STK32C: variants seen among roughly 807,000 people sequenced by gnomAD.
STK32C encodes the protein serine/threonine-protein kinase 32C.
Under a neutral mutation model 56.5 loss-of-function variants are expected in STK32C, and 31 were observed. The ratio of observed to expected loss-of-function variants is 0.55; its 90% CI spans 0.41 to 0.74. The LOEUF is 0.74. Among genes scored for constraint, STK32C ranks in the 30% least tolerant of loss-of-function variants. STK32C has a pLI of 0.00. For synonymous variants in STK32C, 309 were observed against 289.4 expected (o/e 1.07, Z -0.69); for missense variants, 544 against 676.9 (o/e 0.80, Z 2.18).
intron 8 of STK32C, among the ~76,000 whole-genome samples, chr10:132,223,398 C>G (rs1160533994): frequency 6.6e-6 from 1 of 152,182 alleles, no homozygotes; most frequent in Non-Finnish European, 1.5e-5. Flanking sequence ...GCCAGATGAG[C>G]CCGGGGCAGC....
intron 1 of STK32C, among the ~76,000 whole-genome samples, chr10:132,258,423 C>A (rs72856753): frequency 9.8e-5 from 15 of 152,394 alleles, no homozygotes; most frequent in South Asian, 4.1e-4. Context: ...CCCATCACCC[C>A]CCACGGGGCC....
intron 1 of STK32C, among the ~76,000 whole-genome samples, chr10:132,257,702 G>T (rs1480364496): frequency 6.7e-6 from 1 of 149,270 alleles, no homozygotes; most frequent in Non-Finnish European, 1.5e-5. Context: ...GGCAATCCCA[G>T]GCCTGACACC....
In STK32C at chr10:132,207,856, C is replaced by G; in HGVS notation, c.*154G>C. ...CACAGCCTCTTGTCCCCTGCACCAC[C>G]ACGAGCCTGAGGTGTGAAATGTGTC... On this transcript the variant is annotated 3_prime_UTR_variant, in exon 12 of 12. Transcript: ENST00000298630. 3.2e-6 allele frequency: 3 copies of G among 938,206 alleles called. No homozygotes were observed. Among genetic ancestry groups the G allele is most frequent in the Non-Finnish European group, 4.2e-6 (3 of 719,306 alleles). 58.1% of individuals were successfully genotyped at this position (938,206 alleles called of 1,614,324 possible).
chr10:132,316,140 C>T (rs1349095080), intron 1 of STK32C, among the ~76,000 whole-genome samples: 1 of 152,096 alleles, frequency 6.6e-6, no homozygotes, highest in Admixed American at 6.6e-5. Context: ...TATTCTGAAA[C>T]ATCTTGTTGC....
In STK32C at chr10:132,248,390, G is replaced by A. The variant is rs1028800618; in HGVS notation, c.263-2435C>T. Reference sequence around the variant, plus strand: ...GGGGCCTGCCCTGCAGTGGGGAGGGGACAGGGTGTCAGGGCGAGGCCCAGG... The same window carrying A: ...GGGGCCTGCCCTGCAGTGGGGAGGGAACAGGGTGTCAGGGCGAGGCCCAGG... On this transcript the variant is annotated intron_variant, in intron 1 of 11. Coordinates refer to ENST00000298630, the MANE Select transcript of STK32C (RefSeq NM_173575.4). 3.3e-5 allele frequency among the ~76,000 whole-genome samples: 5 copies of A among 152,230 alleles called. No individual in the cohort carries two copies. In the East Asian group the frequency reaches 9.6e-4, roughly 29 times the overall value.
chr10:132,209,217 G>C, intron 10 of STK32C, 116 bp from the exon 11 acceptor site: 1 of 940,746 alleles, frequency 1.1e-6, no homozygotes, highest in East Asian at 2.5e-5. Context: ...TTTGGATGAC[G>C]GCCTCTGGGC....
At chr10:132,227,718 T>C (rs1444675453) in intron 3 of STK32C, among the ~76,000 whole-genome samples, 1 of 152,146 alleles carries the variant, frequency 6.6e-6, no homozygotes, top group Non-Finnish European at 1.5e-5. Context: ...ATCTCCATTG[T>C]AGGGAAGCCC....
intron 1 of STK32C, among the ~76,000 whole-genome samples, chr10:132,272,351 G>A (rs1185661084): frequency 2.0e-5 from 3 of 152,220 alleles, no homozygotes; most frequent in Admixed American, 6.5e-5. Context: ...TCCAGCCTCC[G>A]GATCTGTGAG....
At chr10:132,234,764 C>T (rs2063217445) in intron 2 of STK32C, among the ~76,000 whole-genome samples, 3 of 152,146 alleles carry the variant, frequency 2.0e-5, no homozygotes, top group Non-Finnish European at 2.9e-5. Context: ...GCTGGGGGGG[C>T]CTTGGGGGTT....
intron 1 of STK32C, among the ~76,000 whole-genome samples, chr10:132,300,221 T>G (rs2065871984): frequency 6.6e-6 from 1 of 152,206 alleles, no homozygotes; most frequent in Admixed American, 6.5e-5. Flanking sequence ...CTGTGAGAAA[T>G]GGAATGTGCT....
At position 132,224,539 on chromosome 10, in the gene STK32C, C is replaced by A. The variant is rs1049664767; in HGVS notation, c.877-16G>T. The A allele has an allele frequency of 1.3e-5, 21 of 1,572,934 alleles. No homozygotes were observed. Among genetic ancestry groups the A allele is most frequent in the Non-Finnish European group, 1.8e-5 (21 of 1,155,590 alleles). On this transcript the variant is annotated splice_polypyrimidine_tract_variant and intron_variant, in intron 7 of 11. Transcript: ENST00000298630. The stretch of plus-strand genomic sequence containing the variant: ...CATAGGGCCTCTGGAGACAGGGAGG[C>A]AGTGCTGGGCAGGTCCTCCTGGCCC...
Position 132,207,938 on chromosome 10 carries a change from G to C in STK32C, c.*72C>G. 1 of 1,253,782 alleles carries C rather than the reference G, an allele frequency of 8.0e-7. No individual in the cohort carries two copies. The highest frequency in any genetic ancestry group is 1.0e-6 in the Non-Finnish European group (1 of 992,986). The allele number at this position is 1,253,782 out of a possible 1,614,324, so 77.7% of individuals were successfully genotyped here. ...GGTGGGAACGTGAATGCCAGGCCTC[G>C]GCCCATGGCCCTCCCTCTGGCAGCC... On this transcript the variant is annotated 3_prime_UTR_variant, in exon 12 of 12. Transcript: ENST00000298630.
chr10:132,227,928 C>A (rs143397522), intron 3 of STK32C, 49 bp downstream of exon 3: 21 of 1,597,498 alleles, frequency 1.3e-5, no homozygotes, highest in Non-Finnish European at 1.7e-5. Context: ...AGTGCCTTCC[C>A]GGCTTCAGGA....
intron 10 of STK32C, among the ~76,000 whole-genome samples, chr10:132,214,998 A>C (rs2062425458): frequency 6.6e-6 from 1 of 152,256 alleles, no homozygotes; most frequent in South Asian, 2.1e-4. Context: ...TAAGGTAGAT[A>C]TCATATTGAA....
intron 1 of STK32C, among the ~76,000 whole-genome samples, chr10:132,260,684 G>C (rs1169687179): frequency 2.0e-5 from 3 of 152,356 alleles, no homozygotes; most frequent in South Asian, 2.1e-4. Context: ...AGGGCCCCGT[G>C]ATCGAGTCTG....
intron 1 of STK32C, among the ~76,000 whole-genome samples, chr10:132,267,014 G>C (rs2064561173): frequency 6.6e-6 from 1 of 152,178 alleles, no homozygotes; most frequent in African/African-American, 2.4e-5. Context: ...CCGTCACTGA[G>C]CGGGCAGCCC....
At chr10:132,305,197 G>A (rs1459739361) in intron 1 of STK32C, among the ~76,000 whole-genome samples, 1 of 152,200 alleles carries the variant, frequency 6.6e-6, no homozygotes, top group Non-Finnish European at 1.5e-5. Flanking sequence ...AAGGAAAACT[G>A]GAGACCCTCA....
intron 1 of STK32C, among the ~76,000 whole-genome samples, chr10:132,328,319 C>T (rs952134978): frequency 2.6e-5 from 4 of 151,560 alleles, no homozygotes; most frequent in African/African-American, 4.9e-5. Flanking sequence ...GGTGGGTGCC[C>T]GAACTGCCGG....
intron 1 of STK32C, among the ~76,000 whole-genome samples, chr10:132,247,546 T>TC (rs2063736165): frequency 6.6e-6 from 1 of 151,994 alleles, no homozygotes; most frequent in African/African-American, 2.4e-5. Flanking sequence ...TGCTGGGCCC[T>TC]CCAGGACAAG....
Sources: gnomAD v4.1 joint callset for allele counts (sites outside exome capture counted in the v4.1 genomes callset) on GRCh38, gnomAD v4.1.1 for gene constraint, MANE v1.5 for transcripts, NCBI Gene and HGNC (gene_info 2026-07-23, HGNC 2026-07-21) for gene names.